Variants in TBC1D22A observed in about 807,000 individuals in gnomAD.
The protein encoded by TBC1D22A is putative GTPase activator.
A neutral mutation model predicts 60.2 loss-of-function variants in TBC1D22A; 38 were observed. The observed-to-expected ratio is 0.63, with a 90% CI of 0.49 to 0.83. The LOEUF (loss-of-function observed/expected upper bound fraction) is 0.83. Ranked by LOEUF, TBC1D22A falls within the 40% of genes least tolerant of loss-of-function variation. TBC1D22A has a pLI of 0.00. For missense variants in TBC1D22A, 628 were observed against 701.0 expected (o/e 0.90, Z 1.18); for synonymous variants, 302 against 281.7 (o/e 1.07, Z -0.72).
intron 12 of TBC1D22A, among the ~76,000 whole-genome samples, chr22:47,126,224 C>T (rs908413327): frequency 4.6e-5 from 7 of 152,328 alleles, no homozygotes; most frequent in East Asian, 3.9e-4. Flanking sequence ...TCAGGTAATC[C>T]GCCTGCCTTG....
intron 7 of TBC1D22A, among the ~76,000 whole-genome samples, chr22:46,907,981 G>C (rs900779437): frequency 6.6e-6 from 1 of 152,208 alleles, no homozygotes; most frequent in Non-Finnish European, 1.5e-5. Context: ...GGCCTGGTGA[G>C]AGAGCACCCA....
At chr22:46,941,206 T>TTTAC (rs1344691145) in intron 8 of TBC1D22A, among the ~76,000 whole-genome samples, 7 of 55,786 alleles carry the variant, frequency 1.3e-4, no homozygotes, top group African/African-American at 6.3e-4. Flanking sequence ...TGTATATATG[T>TTTAC]ATACACACAC....
intron 8 of TBC1D22A, among the ~76,000 whole-genome samples, chr22:46,929,813 G>A (rs991087364): frequency 5.3e-5 from 8 of 152,268 alleles, no homozygotes; most frequent in South Asian, 4.1e-4. Flanking sequence ...TGCAGGCCTC[G>A]TGCTTAGAGT....
chr22:47,127,231 T>C (rs1204454247), intron 12 of TBC1D22A, among the ~76,000 whole-genome samples: 1 of 21,128 alleles, frequency 4.7e-5, no homozygotes, highest in East Asian at 0.036. Flanking sequence ...CTTTTTCTCT[T>C]TTTTTTTTTT....
At position 46,856,968 on chromosome 22, in the gene TBC1D22A, A is replaced by G. The variant is rs73468798; in HGVS notation, c.638-21685A>G. On this transcript the variant is annotated intron_variant, in intron 4 of 12. Coordinates refer to ENST00000337137, the MANE Select transcript of TBC1D22A (RefSeq NM_014346.5). ...ATGCGAGCTAGAGGCATCTCTCCCC[A>G]TGAGGTCTAGTCGTACAATTGCCTC... Among the ~76,000 whole-genome samples the G allele has an allele frequency of 2.4e-3, 361 of 152,362 alleles. 1 individual carries two copies. Among genetic ancestry groups the G allele is most frequent in the African/African-American group, 8.2e-3 (340 of 41,586 alleles).
At chr22:46,827,581 G>A (rs1408207140) in intron 4 of TBC1D22A, among the ~76,000 whole-genome samples, 5 of 152,220 alleles carry the variant, frequency 3.3e-5, no homozygotes, top group Admixed American at 6.5e-5. Context: ...CTGGCCGCCA[G>A]CAGAACGTCT....
At chr22:46,827,108 C>G (rs1256653408) in intron 4 of TBC1D22A, among the ~76,000 whole-genome samples, 1 of 152,154 alleles carries the variant, frequency 6.6e-6, no homozygotes, top group African/African-American at 2.4e-5. Context: ...TCTTCACGAC[C>G]TATTTATAAG....
intron 11 of TBC1D22A, among the ~76,000 whole-genome samples, chr22:47,058,306 G>A (rs537056642): frequency 2.0e-5 from 3 of 151,984 alleles, no homozygotes; most frequent in Non-Finnish European, 4.4e-5. Context: ...CTTTCTTCTC[G>A]GACTCCTATG....
At chr22:46,793,018 G>T (rs751578989) in intron 2 of TBC1D22A, among the ~76,000 whole-genome samples, 1 of 152,282 alleles carries the variant, frequency 6.6e-6, no homozygotes, top group Non-Finnish European at 1.5e-5. Context: ...CTGCAGGACT[G>T]CACCTGTCTG....
intron 12 of TBC1D22A, among the ~76,000 whole-genome samples, chr22:47,148,931 T>A (rs894976613): frequency 1.3e-5 from 2 of 148,886 alleles, no homozygotes; most frequent in Non-Finnish European, 2.9e-5. Context: ...TCATGCAGGT[T>A]CTAGGGGGCC....
At chr22:46,888,297 A>C (rs747912389) in intron 5 of TBC1D22A, among the ~76,000 whole-genome samples, 2 of 152,208 alleles carry the variant, frequency 1.3e-5, no homozygotes, top group African/African-American at 4.8e-5. Flanking sequence ...GGTTGGGCAG[A>C]GGGTGACGTG....
At chr22:47,122,929 C>T (rs1286041526) in intron 12 of TBC1D22A, among the ~76,000 whole-genome samples, 1 of 152,170 alleles carries the variant, frequency 6.6e-6, no homozygotes, top group African/African-American at 2.4e-5. Context: ...ACTTTGGGGT[C>T]TCAGGGTAAT....
At chr22:47,088,361 G>A (rs2064784728) in intron 11 of TBC1D22A, among the ~76,000 whole-genome samples, 1 of 152,000 alleles carries the variant, frequency 6.6e-6, no homozygotes, top group African/African-American at 2.4e-5. Flanking sequence ...ATAGACTCTT[G>A]GGTCATGCCA....
At chr22:46,775,934 T>G (rs2146752720) in intron 1 of TBC1D22A, among the ~76,000 whole-genome samples, 1 of 152,328 alleles carries the variant, frequency 6.6e-6, no homozygotes, top group African/African-American at 2.4e-5. Context: ...AACAAGCAGT[T>G]ATGGGATGCG....
intron 10 of TBC1D22A, among the ~76,000 whole-genome samples, chr22:47,019,515 G>A (rs2062010185): frequency 6.6e-6 from 1 of 152,124 alleles, no homozygotes; most frequent in Non-Finnish European, 1.5e-5. Context: ...GGACATCGGT[G>A]CTGAGTCTCG....
intron 12 of TBC1D22A, among the ~76,000 whole-genome samples, chr22:47,146,415 C>T (rs1049934583): frequency 3.9e-5 from 6 of 152,128 alleles, no homozygotes; most frequent in South Asian, 2.1e-4. Context: ...GCAGAAGAGA[C>T]GTTAGAAAAA....
chr22:47,143,729 G>A (rs946568977), intron 12 of TBC1D22A, among the ~76,000 whole-genome samples: 5 of 152,222 alleles, frequency 3.3e-5, no homozygotes, highest in Non-Finnish European at 7.3e-5. Flanking sequence ...CATGCATCGC[G>A]TGTACCCAGC....
At chr22:46,810,136 C>A (rs1476542106) in intron 4 of TBC1D22A, among the ~76,000 whole-genome samples, 1 of 152,158 alleles carries the variant, frequency 6.6e-6, no homozygotes, top group Admixed American at 6.6e-5. Flanking sequence ...GGGAGGAATG[C>A]TCTGGGGCTC....
intron 8 of TBC1D22A, among the ~76,000 whole-genome samples, chr22:46,949,397 A>G (rs2072758271): frequency 1.3e-5 from 2 of 152,158 alleles, no homozygotes; most frequent in African/African-American, 4.8e-5. Flanking sequence ...CCCATCTGTG[A>G]TGGAGCTGAG....
Sources: allele counts gnomAD v4.1 joint callset (sites outside exome capture counted in the v4.1 genomes callset), GRCh38; gene constraint gnomAD v4.1.1; transcripts MANE v1.5; gene names NCBI Gene and HGNC (gene_info 2026-07-23, HGNC 2026-07-21).